The following PKP4 variants were observed in gnomAD, a reference collection of about 807,000 sequenced individuals.
The protein encoded by PKP4 is plakophilin 4, also known as plakophilin-4.
In PKP4, 90 loss-of-function variants were observed where a neutral mutation model predicts 145.1. That is an observed-to-expected ratio of 0.62 (90% CI 0.52 to 0.74). The LOEUF is 0.74. Ranked by LOEUF, PKP4 falls within the 30% of genes least tolerant of loss-of-function variation. PKP4 has a pLI of 0.00. For synonymous variants in PKP4, 563 were observed against 577.2 expected (o/e 0.98, Z 0.35); for missense variants, 1,340 against 1,482.7 (o/e 0.90, Z 1.58).
At chr2:158,637,359 C>G (rs1027768391) in intron 9 of PKP4, among the ~76,000 whole-genome samples, 4 of 152,166 alleles carry the variant, frequency 2.6e-5, no homozygotes, top group Non-Finnish European at 5.9e-5. Flanking sequence ...CAGCCTTGAG[C>G]CGTGCAGCAG....
intron 10 of PKP4, among the ~76,000 whole-genome samples, chr2:158,641,012 A>G (rs983335534): frequency 6.6e-6 from 1 of 152,334 alleles, no homozygotes; most frequent in East Asian, 1.9e-4. Context: ...TTATAAAACC[A>G]TGAAGCAAAA....
At chr2:158,591,338 G>GT (rs1254746734) in intron 3 of PKP4, among the ~76,000 whole-genome samples, 18 of 151,694 alleles carry the variant, frequency 1.2e-4, no homozygotes, top group Admixed American at 6.6e-5. Context: ...TTGTGGTTAT[G>GT]TTATTTTTTA....
intron 1 of PKP4, among the ~76,000 whole-genome samples, chr2:158,468,644 T>G (rs11686147): frequency 6.6e-6 from 1 of 152,160 alleles, no homozygotes; most frequent in African/African-American, 2.4e-5. Context: ...AGACAGTATT[T>G]TCCTATGTGA....
rs776495906 is a variant in PKP4, at chr2:158,669,868, A to G, written c.2877A>G (p.Ser959=). The G allele has an allele frequency of 7.4e-6, 12 of 1,613,954 alleles. No homozygotes were observed. Among genetic ancestry groups the G allele is most frequent in the Non-Finnish European group, 1.0e-5 (12 of 1,179,840 alleles). Residue 959 remains serine (S), a synonymous_variant, in exon 17 of 22, where the codon TCA becomes TCG. Transcript: ENST00000389759. The part of the protein sequence containing the change: ...NMENAKALAD[S]GGIEKLVNIT... ...AGAACGCAAAAGCCCTGGCCGACTCAGGAGGCATAGAGAAGCTGGTGAACA... is the reference window on the plus strand; with the variant it reads ...AGAACGCAAAAGCCCTGGCCGACTCGGGAGGCATAGAGAAGCTGGTGAACA...
intron 2 of PKP4, among the ~76,000 whole-genome samples, chr2:158,550,007 G>A (rs1413907891): frequency 7.9e-6 from 1 of 126,404 alleles, no homozygotes; most frequent in Non-Finnish European, 1.9e-5. Flanking sequence ...GAGTAGTATT[G>A]TCCAACATAG....
chr2:158,622,696 A>G (rs1228753609), intron 6 of PKP4, among the ~76,000 whole-genome samples: 3 of 152,188 alleles, frequency 2.0e-5, no homozygotes, highest in Admixed American at 1.3e-4. Flanking sequence ...CAAATATAAC[A>G]TATGAATTTT....
chr2:158,534,319 G>A (rs765968921), intron 2 of PKP4, among the ~76,000 whole-genome samples: 13 of 152,270 alleles, frequency 8.5e-5, no homozygotes, highest in Admixed American at 3.3e-4. Context: ...CATGTCTGAC[G>A]TTAGAACTGT....
At position 158,669,675 on chromosome 2, in the gene PKP4, C is replaced by T. The variant is rs200004399; in HGVS notation, c.2729-45C>T. ...AGAATCTGAACAACAATAACAAAAA[C>T]CTAGTACCTTCTGGAAGTAGAATTT... On this transcript the variant is annotated intron_variant, in intron 16 of 21. Coordinates refer to ENST00000389759, the MANE Select transcript of PKP4 (RefSeq NM_003628.6). The T allele has an allele frequency of 1.6e-5, 23 of 1,442,080 alleles. No individual in the cohort carries two copies. The East Asian group carries it at 4.7e-4, about 29-fold the overall frequency. The allele number at this position is 1,442,080 out of a possible 1,614,324, so 89.3% of individuals were successfully genotyped here.
chr2:158,516,569 T>C (rs2041956660), intron 1 of PKP4, among the ~76,000 whole-genome samples: 1 of 152,088 alleles, frequency 6.6e-6, no homozygotes, highest in East Asian at 1.9e-4. Flanking sequence ...AAAAAATCAT[T>C]TAGCTAGTTC....
At chr2:158,613,265 G>A (rs1234424222) in intron 4 of PKP4, among the ~76,000 whole-genome samples, 2 of 152,060 alleles carry the variant, frequency 1.3e-5, no homozygotes, top group Admixed American at 6.5e-5. Context: ...TTAAAGAGAA[G>A]AATTAAAAAT....
At chr2:158,488,558 C>T (rs1282446985) in intron 1 of PKP4, among the ~76,000 whole-genome samples, 1 of 152,154 alleles carries the variant, frequency 6.6e-6, no homozygotes, top group Non-Finnish European at 1.5e-5. Context: ...TTGACACTCA[C>T]TGTCTCACTT....
chr2:158,554,994 C>T (rs6437189), intron 2 of PKP4, among the ~76,000 whole-genome samples: 124,952 of 152,158 alleles, frequency 0.82, 52,218 homozygotes, highest in East Asian at 0.97. Flanking sequence ...CCTGAATATT[C>T]TAATATGAAT....
intron 1 of PKP4, among the ~76,000 whole-genome samples, chr2:158,464,862 T>TGTCTAC (rs1353189875): frequency 6.6e-6 from 1 of 152,236 alleles, no homozygotes; most frequent in Non-Finnish European, 1.5e-5. Flanking sequence ...TGTAGACAAT[T>TGTCTAC]AGTACTTTAG....
intron 1 of PKP4, among the ~76,000 whole-genome samples, chr2:158,501,220 T>C (rs1256013462): frequency 1.3e-5 from 2 of 152,208 alleles, no homozygotes; most frequent in Non-Finnish European, 2.9e-5. Context: ...TTCTGAGATG[T>C]ATTAACAAGA....
At position 158,678,644 on chromosome 2, in the gene PKP4, G is replaced by A. The variant is rs756888921; in HGVS notation, c.3320G>A (p.Arg1107Lys). 16 of 1,591,536 alleles carry A rather than the reference G, an allele frequency of 1.0e-5. No homozygotes were observed. Among genetic ancestry groups the A allele is most frequent in the Admixed American group, 1.7e-5 (1 of 59,966 alleles). ...SYSSPAREQN[R>K]RLQHQQLYYS... ...TCCTCACCAGCAAGAGAACAAAATA[G>A]ACGGCTACAGGTGAATTTGCAATAT... Residue 1107 changes from arginine to lysine, a missense_variant, in exon 21 of 22, where the codon AGA (arginine) becomes AAA (lysine). Transcript: ENST00000389759.
chr2:158,634,285 C>A lies in PKP4; in HGVS notation c.1558C>A (p.Pro520Thr), dbSNP rs2053632112. The A allele has an allele frequency of 6.2e-7, 1 of 1,613,030 alleles. No individual in the cohort carries two copies. The highest frequency in any genetic ancestry group is 8.5e-7 in the Non-Finnish European group (1 of 1,179,324). Residue 520 changes from proline to threonine, a missense_variant, in exon 9 of 22, where the codon CCC becomes ACC. Physicochemically the swap from Pro to Thr is conservative, Grantham distance 38. Coordinates refer to ENST00000389759, the MANE Select transcript of PKP4 (RefSeq NM_003628.6). Reference sequence around the variant, plus strand: ...ATCAATAGACAGCATTCAGAAGGACCCCAGGCGAGTACCAGTTAGGAGTCT... The same window carrying A: ...ATCAATAGACAGCATTCAGAAGGACACCAGGCGAGTACCAGTTAGGAGTCT... The part of the protein sequence containing the change: ...SPSIDSIQKD[P>T]REFAWRDPEL...
chr2:158,645,485 C>T (rs1391659895), intron 11 of PKP4, among the ~76,000 whole-genome samples: 3 of 152,178 alleles, frequency 2.0e-5, no homozygotes, highest in Non-Finnish European at 4.4e-5. Flanking sequence ...TGATGTTTCT[C>T]TTCCCATCAC....
At chr2:158,631,722 G>C in intron 7 of PKP4, 31 bp from the exon 8 acceptor site, 1 of 1,580,862 alleles carries the variant, frequency 6.3e-7, no homozygotes, top group South Asian at 1.1e-5. Flanking sequence ...GATTGTCTCA[G>C]TTCTTAACGA....
At chr2:158,502,770 G>A (rs1291150301) in intron 1 of PKP4, among the ~76,000 whole-genome samples, 1 of 152,212 alleles carries the variant, frequency 6.6e-6, no homozygotes, top group Non-Finnish European at 1.5e-5. Flanking sequence ...AGGAGTTAAT[G>A]GTGATGCAGA....
Sources: gnomAD v4.1 joint callset for allele counts (sites outside exome capture counted in the v4.1 genomes callset) on GRCh38, gnomAD v4.1.1 for gene constraint, MANE v1.5 for transcripts, NCBI Gene and HGNC (gene_info 2026-07-23, HGNC 2026-07-21) for gene names.